Variants in ROBO1 observed in about 807,000 individuals in gnomAD.
ROBO1 encodes the protein roundabout homolog 1.
In ROBO1, 149 loss-of-function variants were observed where a neutral mutation model predicts 195.9. The observed-to-expected ratio is 0.76, with a 90% CI of 0.67 to 0.87. The LOEUF is 0.87. ROBO1 is among the 40% of genes least tolerant of loss of function. ROBO1 has a pLI of 0.00. For synonymous variants in ROBO1, 816 were observed against 733.2 expected, an observed-to-expected ratio of 1.11 and a Z score of -1.82; for missense variants, 1,933 against 2,068.3, an observed-to-expected ratio of 0.93 and a Z score of 1.27.
At chr3:78,950,276 G>A (rs1174453953) in intron 3 of ROBO1, among the ~76,000 whole-genome samples, 1 of 151,874 alleles carries the variant, frequency 6.6e-6, no homozygotes, top group African/African-American at 2.4e-5. Flanking sequence ...GTCCAACAAC[G>A]ATAGACTGGA....
chr3:79,217,652 T>C (rs1481904343), intron 2 of ROBO1, among the ~76,000 whole-genome samples: 1 of 151,988 alleles, frequency 6.6e-6, no homozygotes, highest in Admixed American at 6.6e-5. Flanking sequence ...TGGATCACTA[T>C]TGTAGAAGTA....
chr3:79,539,156 A>C (rs1440056733), intron 2 of ROBO1, among the ~76,000 whole-genome samples: 1 of 152,162 alleles, frequency 6.6e-6, no homozygotes, highest in East Asian at 1.9e-4. Context: ...TTCCTTATCA[A>C]TTGAAACATT....
At chr3:79,377,748 G>C (rs752362368) in intron 2 of ROBO1, among the ~76,000 whole-genome samples, 3 of 152,184 alleles carry the variant, frequency 2.0e-5, no homozygotes, top group African/African-American at 7.2e-5. Context: ...TCTCTAGCTA[G>C]AGCCTAACTG....
At chr3:79,699,824 AT>A (rs1160465961) in intron 1 of ROBO1, among the ~76,000 whole-genome samples, 1 of 151,702 alleles carries the variant, frequency 6.6e-6, no homozygotes, top group Admixed American at 6.6e-5. Context: ...CCTTTGGTCC[AT>A]TTTTTAAATA....
chr3:78,775,260 T>C (rs950996563), intron 4 of ROBO1, among the ~76,000 whole-genome samples: 1 of 152,192 alleles, frequency 6.6e-6, no homozygotes, highest in Non-Finnish European at 1.5e-5. Context: ...TATATCCCAC[T>C]AGCTCATGTG....
intron 1 of ROBO1, among the ~76,000 whole-genome samples, chr3:79,674,582 G>A (rs568583053): frequency 6.6e-6 from 1 of 151,906 alleles, no homozygotes; most frequent in Non-Finnish European, 1.5e-5. Flanking sequence ...CCCCTTCAGA[G>A]AGGATCAATC....
intron 14 of ROBO1, among the ~76,000 whole-genome samples, chr3:78,666,909 TAAGA>T (rs1707770268): frequency 6.6e-6 from 1 of 152,136 alleles, no homozygotes; most frequent in Non-Finnish European, 1.5e-5. Context: ...TTTGTTCCCT[TAAGA>T]TAGAAACACT....
intron 2 of ROBO1, among the ~76,000 whole-genome samples, chr3:79,330,574 C>G (rs1014425584): frequency 6.8e-6 from 1 of 146,246 alleles, no homozygotes; most frequent in Non-Finnish European, 1.5e-5. Context: ...TTCACCCTGT[C>G]TATGGCTACT....
chr3:78,726,909 C>T (rs1325849076), intron 5 of ROBO1, among the ~76,000 whole-genome samples: 2 of 151,978 alleles, frequency 1.3e-5, no homozygotes, highest in African/African-American at 4.8e-5. Flanking sequence ...ACAACAACAA[C>T]AGTAACAATC....
chr3:78,696,295 C>G (rs2081288397), intron 8 of ROBO1, among the ~76,000 whole-genome samples: 1 of 152,104 alleles, frequency 6.6e-6, no homozygotes, highest in Non-Finnish European at 1.5e-5. Flanking sequence ...CCTTTTCTTG[C>G]TAAGAGAGGG....
At chr3:78,706,130 G>A (rs2081545517) in intron 8 of ROBO1, among the ~76,000 whole-genome samples, 1 of 151,926 alleles carries the variant, frequency 6.6e-6, no homozygotes, top group Non-Finnish European at 1.5e-5. Context: ...GTAGGTGAAT[G>A]GGAAATACCT....
chr3:78,654,572 T>C (rs1706878533), intron 18 of ROBO1, among the ~76,000 whole-genome samples: 1 of 152,170 alleles, frequency 6.6e-6, no homozygotes, highest in South Asian at 2.1e-4. Flanking sequence ...TCAGATAATA[T>C]GGAAACAGCC....
intron 2 of ROBO1, among the ~76,000 whole-genome samples, chr3:79,154,225 A>G (rs2080820347): frequency 1.3e-5 from 2 of 151,790 alleles, no homozygotes; most frequent in South Asian, 4.1e-4. Context: ...AAAAATGACA[A>G]GCCCAAGATT....
rs560266831 is a variant in ROBO1 at position 78,725,954 on chromosome 3, A to G, written c.658-8071T>C. 8.6e-5 allele frequency among the ~76,000 whole-genome samples: 13 copies of G among 150,552 alleles called. No homozygotes were observed. The South Asian group carries it at 2.7e-3, about 31-fold the overall frequency. ...CAGGAATTTTTTTTTTTTTTCAGACATCACCCCCACAATGTTATCCATACA... is the reference window on the plus strand; with the variant it reads ...CAGGAATTTTTTTTTTTTTTCAGACGTCACCCCCACAATGTTATCCATACA... On this transcript the variant is annotated intron_variant, in intron 5 of 30. Coordinates refer to ENST00000464233, the MANE Select transcript of ROBO1 (RefSeq NM_002941.4).
At chr3:79,454,257 C>G (rs561135945) in intron 2 of ROBO1, among the ~76,000 whole-genome samples, 1 of 151,420 alleles carries the variant, frequency 6.6e-6, no homozygotes, top group East Asian at 1.9e-4. Flanking sequence ...ATTGCAGCAT[C>G]CTGTTACCAA....
chr3:79,116,462 CTTTG>C (rs199786547), intron 3 of ROBO1, among the ~76,000 whole-genome samples: 5,109 of 136,884 alleles, frequency 0.037, 139 homozygotes, highest in Non-Finnish European at 0.059. Context: ...CCCTTTCTTT[CTTTG>C]TTTCTTTCTC....
intron 5 of ROBO1, among the ~76,000 whole-genome samples, chr3:78,728,266 C>T (rs981442397): frequency 6.6e-6 from 1 of 152,082 alleles, no homozygotes; most frequent in Non-Finnish European, 1.5e-5. Context: ...CCACTCGAGT[C>T]TCTTGATTAG....
intron 2 of ROBO1, among the ~76,000 whole-genome samples, chr3:79,493,908 G>C (rs546287000): frequency 6.6e-6 from 1 of 152,050 alleles, no homozygotes; most frequent in African/African-American, 2.4e-5. Flanking sequence ...ACTAACTATA[G>C]TTACCCTGCT....
At chr3:79,417,513 T>C (rs1380615189) in intron 2 of ROBO1, among the ~76,000 whole-genome samples, 2 of 152,102 alleles carry the variant, frequency 1.3e-5, no homozygotes, top group Non-Finnish European at 2.9e-5. Flanking sequence ...TAATAGATAT[T>C]TGTTGTTTAA....
Sources: gnomAD v4.1 joint callset for allele counts (sites outside exome capture counted in the v4.1 genomes callset) on GRCh38, gnomAD v4.1.1 for gene constraint, MANE v1.5 for transcripts, NCBI Gene and HGNC (gene_info 2026-07-23, HGNC 2026-07-21) for gene names.